The following ARB2A variants were observed in gnomAD, a reference collection of about 807,000 sequenced individuals.
The protein encoded by ARB2A is ARB2 cotranscriptional regulator A.
the ARB2A span, among the ~76,000 whole-genome samples, chr5:94,076,040 T>G: frequency 1.3e-5 from 2 of 152,206 alleles, no homozygotes; most frequent in African/African-American, 4.8e-5. Context: ...TCATATAATG[T>G]CTGATCCATA....
the ARB2A span, among the ~76,000 whole-genome samples, chr5:93,663,653 C>T: frequency 1.3e-5 from 2 of 152,148 alleles, no homozygotes; most frequent in African/African-American, 4.8e-5. Context: ...CCCTTCACAT[C>T]TCAACTGGGC....
the ARB2A span, among the ~76,000 whole-genome samples, chr5:93,850,188 G>A: frequency 1.3e-5 from 2 of 152,128 alleles, no homozygotes; most frequent in Admixed American, 6.5e-5. Flanking sequence ...GTGTGTGCAC[G>A]TATATGTCCA....
chr5:93,660,671 G>A, the ARB2A span, among the ~76,000 whole-genome samples: 1 of 152,112 alleles, frequency 6.6e-6, no homozygotes, highest in Admixed American at 6.6e-5. Flanking sequence ...AGCAAATGAA[G>A]TATTTTACAT....
At chr5:93,752,856 C>T in the ARB2A span, among the ~76,000 whole-genome samples, 1 of 151,900 alleles carries the variant, frequency 6.6e-6, no homozygotes, top group Non-Finnish European at 1.5e-5. Flanking sequence ...AATACTTATC[C>T]CTTACGTTAA....
At chr5:93,993,982 T>C in the ARB2A span, among the ~76,000 whole-genome samples, 2 of 152,168 alleles carry the variant, frequency 1.3e-5, no homozygotes, top group African/African-American at 4.8e-5. Flanking sequence ...AGGCACATAT[T>C]GCATATCTCT....
chr5:93,767,438 T>C, the ARB2A span, among the ~76,000 whole-genome samples: 100 of 152,126 alleles, frequency 6.6e-4, no homozygotes, highest in Non-Finnish European at 1.3e-3. Flanking sequence ...CTGGTGGGAA[T>C]GTACAGCCAC....
At chr5:93,940,623 G>GT in the ARB2A span, among the ~76,000 whole-genome samples, 1 of 151,836 alleles carries the variant, frequency 6.6e-6, no homozygotes, top group South Asian at 2.1e-4. Context: ...GAAAAAAATA[G>GT]TATCAGAAGC....
At chr5:94,080,530 G>C in the ARB2A span, among the ~76,000 whole-genome samples, 1 of 152,170 alleles carries the variant, frequency 6.6e-6, no homozygotes, top group Non-Finnish European at 1.5e-5. Flanking sequence ...CAAGGAGAAT[G>C]TGCTGCTCAG....
At chr5:94,074,250 T>C in the ARB2A span, among the ~76,000 whole-genome samples, 1 of 152,040 alleles carries the variant, frequency 6.6e-6, no homozygotes, top group Non-Finnish European at 1.5e-5. Context: ...AAACCTCTCA[T>C]AAAATATCAG....
At chr5:93,650,107 TCAC>T in the ARB2A span, among the ~76,000 whole-genome samples, 1 of 146,952 alleles carries the variant, frequency 6.8e-6, no homozygotes, top group Admixed American at 6.9e-5. Flanking sequence ...AAAATTGAAA[TCAC>T]CAATAATCCT....
At chr5:93,767,919 G>A in the ARB2A span, among the ~76,000 whole-genome samples, 11 of 148,464 alleles carry the variant, frequency 7.4e-5, no homozygotes, top group Non-Finnish European at 1.6e-4. Context: ...GCCTGAACTC[G>A]GGAGGCGGAG....
chr5:93,741,202 C>G, the ARB2A span: 1 of 1,613,864 alleles, frequency 6.2e-7, no homozygotes, highest in Non-Finnish European at 8.5e-7. Context: ...TTTCAGTATG[C>G]CCGAGATGTC....
At chr5:94,084,274 CAAAAAAAAAAAAA>C in the ARB2A span, among the ~76,000 whole-genome samples, 1 of 73,102 alleles carries the variant, frequency 1.4e-5, no homozygotes, top group South Asian at 4.7e-4. Flanking sequence ...AACTTCATCT[CAAAAAAAAAAAAA>C]AAAAAAGAAA....
the ARB2A span, among the ~76,000 whole-genome samples, chr5:93,813,355 T>C: frequency 6.6e-6 from 1 of 152,198 alleles, no homozygotes; most frequent in Non-Finnish European, 1.5e-5. Flanking sequence ...AGGAGATTTC[T>C]AAGTAAAGTG....
chr5:93,927,457 G>A, the ARB2A span, among the ~76,000 whole-genome samples: 1 of 151,966 alleles, frequency 6.6e-6, no homozygotes, highest in Non-Finnish European at 1.5e-5. Context: ...CCCTCACCCC[G>A]GACAGCCATA....
the ARB2A span, among the ~76,000 whole-genome samples, chr5:93,867,116 T>C: frequency 5.3e-5 from 8 of 152,204 alleles, no homozygotes; most frequent in African/African-American, 1.7e-4. Flanking sequence ...ATCTTAGTTC[T>C]AATGTTAAAT....
chr5:93,927,039 GAAA>G, the ARB2A span, among the ~76,000 whole-genome samples: 1 of 125,680 alleles, frequency 8.0e-6, no homozygotes. Context: ...GAATGTGCCA[GAAA>G]AAAAAAAAAA....
At chr5:93,891,577 T>C in the ARB2A span, among the ~76,000 whole-genome samples, 1 of 152,104 alleles carries the variant, frequency 6.6e-6, no homozygotes, top group Non-Finnish European at 1.5e-5. Flanking sequence ...GACAAATGTA[T>C]ACTCCAATTC....
the ARB2A span, among the ~76,000 whole-genome samples, chr5:93,674,092 T>C: frequency 1.2e-4 from 19 of 152,258 alleles, no homozygotes; most frequent in African/African-American, 4.1e-4. Flanking sequence ...ACAAGACATA[T>C]AACACCAAGA....
Sources: allele counts gnomAD v4.1 joint callset (sites outside exome capture counted in the v4.1 genomes callset), GRCh38; gene constraint gnomAD v4.1.1; transcripts MANE v1.5; gene names NCBI Gene and HGNC (gene_info 2026-07-23, HGNC 2026-07-21).